VASH1: variants seen among roughly 807,000 people sequenced by gnomAD.
VASH1 encodes vasohibin 1, also known as tubulinyl-Tyr carboxypeptidase 1.
A neutral mutation model predicts 35.0 loss-of-function variants in VASH1; 16 were observed. The observed-to-expected ratio is 0.46, with a 90% CI of 0.31 to 0.70. The LOEUF (loss-of-function observed/expected upper bound fraction) is 0.70, where lower values mean the gene tolerates loss of function less well. Ranked by LOEUF, VASH1 falls within the 30% of genes least tolerant of loss-of-function variation. The pLI is 0.05. For missense variants in VASH1, 505 were observed against 510.7 expected (o/e 0.99, Z 0.11); for synonymous variants, 214 against 200.9 (o/e 1.07, Z -0.55).
chr14:76,763,928 G>A (rs1438454113), intron 1 of VASH1, among the ~76,000 whole-genome samples: 1 of 152,076 alleles, frequency 6.6e-6, no homozygotes, highest in East Asian at 1.9e-4. Flanking sequence ...ACAGGCACTA[G>A]TGTGTGTGTT....
intron 1 of VASH1, among the ~76,000 whole-genome samples, chr14:76,764,048 C>T (rs1192671803): frequency 6.6e-6 from 1 of 151,824 alleles, no homozygotes; most frequent in Non-Finnish European, 1.5e-5. Flanking sequence ...AGGCACTTTG[C>T]CAAATGCAGA....
In VASH1 at chr14:76,776,281, C is replaced by T. The variant is rs202090620; in HGVS notation, c.912+8C>T. The stretch of plus-strand genomic sequence containing the variant: ...CGCGACATGCGGCTCAAGGTCTGCC[C>T]GCCTTCCACGCCCTCGCCCCCTCCC... On this transcript the variant is annotated splice_region_variant and intron_variant, in intron 5 of 6. Transcript: ENST00000167106. The T allele has an allele frequency of 2.5e-4, 395 of 1,565,270 alleles. 1 individual carries two copies. The highest frequency in any genetic ancestry group is 1.2e-4 in the Admixed American group (7 of 57,212).
chr14:76,774,171 A>T (rs1475982103), intron 4 of VASH1: 1 of 152,140 alleles, frequency 6.6e-6, no homozygotes, highest in Non-Finnish European at 1.5e-5. Context: ...CCAGGGGTCC[A>T]TCCCCACCCC....
rs1333043715 is a variant in VASH1 at position 76,782,878 on chromosome 14, G to C, written c.*3860G>C. On this transcript the variant is annotated 3_prime_UTR_variant, in exon 7 of 7. Transcript: ENST00000167106. ...TCTGGATGGCTGCAGTGTTGTACTA[G>C]ACTTTGTTCAGGCTGTTCTCATCTC... The C allele has an allele frequency of 6.5e-6, 1 of 152,794 alleles. No individual in the cohort carries two copies. The highest frequency in any genetic ancestry group is 2.4e-5 in the African/African-American group (1 of 41,468). 9.5% of individuals were successfully genotyped at this position (152,794 alleles called of 1,614,324 possible).
In VASH1 at chr14:76,779,609, G is replaced by A. The variant is rs927169630; in HGVS notation, c.*591G>A. ...CAGGCCACATCTGCCCCAAGAGCATGAGCTCGTGGCTCAGGAGAGCCTTCA... is the reference window on the plus strand; with the variant it reads ...CAGGCCACATCTGCCCCAAGAGCATAAGCTCGTGGCTCAGGAGAGCCTTCA... On this transcript the variant is annotated 3_prime_UTR_variant, in exon 7 of 7. Coordinates refer to ENST00000167106, the MANE Select transcript of VASH1 (RefSeq NM_014909.5). 24 of 622,006 alleles carry A rather than the reference G, an allele frequency of 3.9e-5. No individual in the cohort carries two copies. The highest frequency in any genetic ancestry group is 5.8e-5 in the Non-Finnish European group (20 of 347,820). 38.5% of individuals were successfully genotyped at this position (622,006 alleles called of 1,614,324 possible). A position where few individuals can be genotyped will look rare whatever the true frequency, so the allele number is the denominator to read the frequency against.
At position 76,779,577 on chromosome 14, in the gene VASH1, C is replaced by T. The variant is rs1446609331; in HGVS notation, c.*559C>T. On this transcript the variant is annotated 3_prime_UTR_variant, in exon 7 of 7. Transcript: ENST00000167106. ...GTCTGTGTAGCCCATTAACCAGGAG[C>T]TTGGCACAGGCCACATCTGCCCCAA... The T allele has an allele frequency of 1.2e-5, 8 of 653,178 alleles. No homozygotes were observed. The highest frequency in any genetic ancestry group is 2.3e-5 in the Admixed American group (1 of 44,442). The allele number at this position is 653,178 out of a possible 1,614,324, so 40.5% of individuals were successfully genotyped here.
At chr14:76,773,385 G>T in intron 4 of VASH1, 174 bp downstream of exon 4, 1 of 635,920 alleles carries the variant, frequency 1.6e-6, no homozygotes. Context: ...CCCCCAAAAT[G>T]GAGGAGCCCC....
At chr14:76,769,582 A>T in intron 1 of VASH1, 1 of 876,992 alleles carries the variant, frequency 1.1e-6, no homozygotes, top group Non-Finnish European at 1.6e-6. Context: ...CGGCGCTTGA[A>T]CCAGAGCAAA....
At chr14:76,777,065 G>C (rs747258417) in intron 5 of VASH1, among the ~76,000 whole-genome samples, 8 of 152,206 alleles carry the variant, frequency 5.3e-5, no homozygotes, top group Non-Finnish European at 1.0e-4. Context: ...GATCAGACTG[G>C]AGCTCAGCCT....
chr14:76,763,840 G>A (rs1456803959), intron 1 of VASH1, among the ~76,000 whole-genome samples: 1 of 152,210 alleles, frequency 6.6e-6, no homozygotes, highest in Non-Finnish European at 1.5e-5. Flanking sequence ...CTATACTTCA[G>A]TTGTGTCACC....
At position 76,761,979 on chromosome 14, in the gene VASH1, C is replaced by G. The variant is rs974554893; in HGVS notation, c.-843C>G. ...GGCTGGTGCAGCGCGGCGCCAGGTGCCAGCCGTCCTCCCGCTGAGACGCGC... is the reference window on the plus strand; with the variant it reads ...GGCTGGTGCAGCGCGGCGCCAGGTGGCAGCCGTCCTCCCGCTGAGACGCGC... On this transcript the variant is annotated 5_prime_UTR_variant, in exon 1 of 7. Coordinates refer to ENST00000167106, the MANE Select transcript of VASH1 (RefSeq NM_014909.5). 6.6e-6 allele frequency among the ~76,000 whole-genome samples: 1 copy of G among 152,130 alleles called. No homozygotes were observed. Among genetic ancestry groups the G allele is most frequent in the East Asian group, 1.9e-4 (1 of 5,170 alleles).
In VASH1 at chr14:76,778,025, C is replaced by CG. The variant is rs754350185; in HGVS notation, c.982dup (p.Ala328GlyfsTer13). On this transcript the variant is annotated frameshift_variant, in exon 6 of 7. Transcript: ENST00000167106. LOFTEE classifies it high-confidence loss of function. ...GAAGAAGGATGTTTCTTCCCCGCAG[C>CG]GGGCCCAGTCCAGCCCCCACCGCAG... 6.5e-7 allele frequency: 1 copy of CG among 1,541,068 alleles called. No individual in the cohort carries two copies. The highest frequency in any genetic ancestry group is 8.7e-7 in the Non-Finnish European group (1 of 1,144,232).
At chr14:76,776,875 G>C (rs1394481521) in intron 5 of VASH1, among the ~76,000 whole-genome samples, 1 of 152,144 alleles carries the variant, frequency 6.6e-6, no homozygotes, top group Admixed American at 6.5e-5. Flanking sequence ...CCATAGCTCA[G>C]TCACTGCTGC....
At chr14:76,773,101 G>A in intron 3 of VASH1, 36 bp from the exon 4 acceptor site, 1 of 1,607,794 alleles carries the variant, frequency 6.2e-7, no homozygotes, top group South Asian at 1.1e-5. Flanking sequence ...GGGGCTGGAG[G>A]CGCTGTCCTT....
intron 1 of VASH1, chr14:76,769,329 C>A: frequency 7.8e-7 from 1 of 1,289,046 alleles, no homozygotes; most frequent in Non-Finnish European, 1.0e-6. Flanking sequence ...GAGGAGGACC[C>A]GGCCCCTCTG....
intron 1 of VASH1, chr14:76,769,304 G>C (rs1025792485): frequency 7.8e-7 from 1 of 1,288,850 alleles, no homozygotes; most frequent in Non-Finnish European, 1.0e-6. Context: ...GAGCTGGCAG[G>C]AAAGAGAAGA....
Position 76,768,381 on chromosome 14 carries a change from G to T in VASH1, c.310-1582G>T, listed in dbSNP as rs113779855. On this transcript the variant is annotated intron_variant, in intron 1 of 6. Transcript: ENST00000167106. ...CTCCCTCCAGACAGAGACGTCAGCG[G>T]CTCAGGAGCCAGGGCAGCCAGTGCG... 5.3e-3 allele frequency among the ~76,000 whole-genome samples: 807 copies of T among 152,298 alleles called. 5 individuals are homozygous for T. Among genetic ancestry groups the T allele is most frequent in the African/African-American group, 0.019 (781 of 41,564 alleles).
At position 76,761,912 on chromosome 14, in the gene VASH1, C is replaced by A. The variant is rs573969866; in HGVS notation, c.-910C>A. Reference sequence around the variant, plus strand: ...GCCTGGCCCCTGCGCGCCGCCCGAGCCGGTCCCGCTGAGCCGCGGGCCCCG... The same window carrying A: ...GCCTGGCCCCTGCGCGCCGCCCGAGACGGTCCCGCTGAGCCGCGGGCCCCG... On this transcript the variant is annotated 5_prime_UTR_variant, in exon 1 of 7. Transcript: ENST00000167106. Among the ~76,000 whole-genome samples the A allele has an allele frequency of 6.6e-6, 1 of 151,784 alleles. No homozygotes were observed. Among genetic ancestry groups the A allele is most frequent in the Non-Finnish European group, 1.5e-5 (1 of 67,898 alleles).
At position 76,773,138 on chromosome 14, in the gene VASH1, C is replaced by A; in HGVS notation, c.457C>A (p.Leu153Met). 1 of 1,613,812 alleles carries A rather than the reference C, an allele frequency of 6.2e-7. No homozygotes were observed. The highest frequency in any genetic ancestry group is 1.1e-5 in the South Asian group (1 of 91,038). Residue 153 changes from leucine to methionine, a missense_variant and splice_region_variant, in exon 4 of 7, where the codon CTG becomes ATG. By Grantham distance (15) the Leu-to-Met change is conservative. Transcript: ENST00000167106. ...EIKKSRPLTG[L>M]MDLAKEMTKE... ...CTGACCTGCCTCCCTTTCCCACAGG[C>A]TGATGGACCTGGCCAAGGAAATGAC... is the stretch of plus-strand genomic sequence containing the variant.
Sources: gnomAD v4.1 joint callset for allele counts (sites outside exome capture counted in the v4.1 genomes callset) on GRCh38, gnomAD v4.1.1 for gene constraint, MANE v1.5 for transcripts, NCBI Gene and HGNC (gene_info 2026-07-23, HGNC 2026-07-21) for gene names.